Variants in SCOC observed in about 807,000 individuals in gnomAD.
The protein encoded by SCOC is short coiled coil protein.
A neutral mutation model predicts 9.9 loss-of-function variants in SCOC; 7 were observed. The ratio of observed to expected loss-of-function variants is 0.71; its 90% CI spans 0.40 to 1.33. SCOC has a LOEUF of 1.33. Ranked by LOEUF, SCOC falls within the 40% of genes most tolerant of loss-of-function variation. The pLI, the probability that SCOC is intolerant of heterozygous loss-of-function variation, is 0.01. For synonymous variants in SCOC, 19 were observed against 28.2 expected, an observed-to-expected ratio of 0.67 and a Z score of 1.03; for missense variants, 66 against 89.7, an observed-to-expected ratio of 0.74 and a Z score of 1.07.
intron 1 of SCOC, among the ~76,000 whole-genome samples, chr4:140,291,853 AT>A (rs1271000743): frequency 6.6e-6 from 1 of 152,176 alleles, no homozygotes; most frequent in Admixed American, 6.5e-5. Context: ...TATCTGATGA[AT>A]TTCCTTTCCC....
upstream of SCOC, among the ~76,000 whole-genome samples, chr4:140,370,919 C>T (rs1362649805): frequency 4.1e-5 from 6 of 147,464 alleles, no homozygotes; most frequent in Non-Finnish European, 7.4e-5. Context: ...GAGACGGAGT[C>T]TCACCCTGTC....
chr4:140,376,414 T>A (rs1437407974), intron 1 of SCOC: 1 of 152,242 alleles, frequency 6.6e-6, no homozygotes, highest in Non-Finnish European at 1.5e-5. Flanking sequence ...TGGTCCACTG[T>A]ACTAAAGAGT....
intron 1 of SCOC, among the ~76,000 whole-genome samples, chr4:140,276,125 C>T (rs1730974790): frequency 6.6e-6 from 1 of 152,114 alleles, no homozygotes; most frequent in South Asian, 2.1e-4. Context: ...GCCTCAGCCT[C>T]CTGAGTAGCT....
chr4:140,355,786 A>C (rs779261041), intron 2 of SCOC, among the ~76,000 whole-genome samples: 10 of 152,222 alleles, frequency 6.6e-5, no homozygotes, highest in Non-Finnish European at 1.3e-4. Context: ...ACAACCATGC[A>C]AAAGTAATTT....
At chr4:140,310,284 T>C (rs191624948) in intron 1 of SCOC, among the ~76,000 whole-genome samples, 2 of 152,330 alleles carry the variant, frequency 1.3e-5, no homozygotes, top group East Asian at 3.9e-4. Context: ...TCTTTAAAGA[T>C]GATGCTTCCT....
At chr4:140,332,213 CATATCAG>C (rs1247432718) in intron 1 of SCOC, among the ~76,000 whole-genome samples, 4 of 152,048 alleles carry the variant, frequency 2.6e-5, no homozygotes, top group African/African-American at 2.4e-5. Context: ...AGATCCAAAC[CATATCAG>C]ATGTTTAAAA....
chr4:140,344,980 C>T (rs1453243627), intron 2 of SCOC, among the ~76,000 whole-genome samples: 3 of 152,090 alleles, frequency 2.0e-5, no homozygotes, highest in East Asian at 3.8e-4. Context: ...GACTCTCTGA[C>T]GCACCTCATC....
At chr4:140,284,305 G>C (rs1404388296) in intron 1 of SCOC, 1 of 151,918 alleles carries the variant, frequency 6.6e-6, no homozygotes, top group Non-Finnish European at 1.5e-5. Flanking sequence ...TGCTTTACTT[G>C]CATTCATAGG....
Position 140,384,137 on chromosome 4 carries a change from A to T in SCOC, c.*3033A>T, listed in dbSNP as rs571854290. On this transcript the variant is annotated 3_prime_UTR_variant, in exon 4 of 4. Coordinates refer to ENST00000608372, the MANE Select transcript of SCOC (RefSeq NM_001153484.2). ...CTTCTATCTTTGCTTGAAAATGTCA[A>T]TTTTTTTGATACCTTGCTGAAAGCA... 3 of 152,148 alleles carry T rather than the reference A, an allele frequency of 2.0e-5. No individual in the cohort carries two copies. The highest frequency in any genetic ancestry group is 2.9e-5 in the Non-Finnish European group (2 of 68,024). The allele number at this position is 152,148 out of a possible 1,614,324, so 9.4% of individuals were successfully genotyped here.
At chr4:140,353,421 T>C (rs1164364479) in intron 2 of SCOC, among the ~76,000 whole-genome samples, 2 of 151,728 alleles carry the variant, frequency 1.3e-5, no homozygotes, top group Non-Finnish European at 2.9e-5. Context: ...TTCTTTTTTT[T>C]TTTTTTTTGA....
At chr4:140,277,280 C>G (rs2126410689) in intron 1 of SCOC, among the ~76,000 whole-genome samples, 1 of 152,230 alleles carries the variant, frequency 6.6e-6, no homozygotes, top group East Asian at 1.9e-4. Context: ...CCACCCACAA[C>G]TAGGCTGCAG....
intron 1 of SCOC, among the ~76,000 whole-genome samples, chr4:140,375,615 G>A (rs1218022760): frequency 6.6e-6 from 1 of 152,182 alleles, no homozygotes; most frequent in African/African-American, 2.4e-5. Context: ...ATCGTCTTTG[G>A]TCACAGGTGT....
chr4:140,359,497 G>A (rs1281110524), intron 2 of SCOC, among the ~76,000 whole-genome samples: 1 of 152,098 alleles, frequency 6.6e-6, no homozygotes, highest in African/African-American at 2.4e-5. Context: ...CTCTCTGGGT[G>A]GAAGCAGTCC....
chr4:140,307,145 T>C (rs1431757477), intron 1 of SCOC, among the ~76,000 whole-genome samples: 2 of 152,172 alleles, frequency 1.3e-5, no homozygotes, highest in Non-Finnish European at 2.9e-5. Context: ...AGACATCAAA[T>C]CTGCTGGTGT....
Position 140,383,954 on chromosome 4 carries a change from G to C in SCOC, c.*2850G>C, listed in dbSNP as rs960108671. 2 of 152,194 alleles carry C rather than the reference G, an allele frequency of 1.3e-5. No individual in the cohort carries two copies. The highest frequency in any genetic ancestry group is 4.8e-5 in the African/African-American group (2 of 41,452). The allele number at this position is 152,194 out of a possible 1,614,324, so 9.4% of individuals were successfully genotyped here. ...ACATGCAGATCATCACTGCAAAGCT[G>C]GGTTCCTTTGGCTTAACGATTGGTA... On this transcript the variant is annotated 3_prime_UTR_variant, in exon 4 of 4. Coordinates refer to ENST00000608372, the MANE Select transcript of SCOC (RefSeq NM_001153484.2).
intron 1 of SCOC, among the ~76,000 whole-genome samples, chr4:140,267,691 CT>C (rs1730758963): frequency 6.6e-6 from 1 of 152,112 alleles, no homozygotes; most frequent in African/African-American, 2.4e-5. Context: ...GACGTGGAGA[CT>C]CCGCGAGGCA....
chr4:140,337,086 G>A (rs908111771), intron 1 of SCOC, among the ~76,000 whole-genome samples: 2 of 152,082 alleles, frequency 1.3e-5, no homozygotes, highest in African/African-American at 4.8e-5. Flanking sequence ...TAAAAATTGT[G>A]TTGTCTTTTT....
chr4:140,307,360 T>C (rs1249231691), intron 1 of SCOC, among the ~76,000 whole-genome samples: 1 of 152,200 alleles, frequency 6.6e-6, no homozygotes, highest in African/African-American at 2.4e-5. Context: ...CAGATCTTCT[T>C]TGAGCAGTCT....
intron 1 of SCOC, among the ~76,000 whole-genome samples, chr4:140,277,573 GA>G (rs1370414281): frequency 6.6e-6 from 1 of 152,154 alleles, no homozygotes; most frequent in Non-Finnish European, 1.5e-5. Context: ...GTGGAAAAGG[GA>G]GGGAAAAAGT....
Sources: gnomAD v4.1 joint callset for allele counts (sites outside exome capture counted in the v4.1 genomes callset) on GRCh38, gnomAD v4.1.1 for gene constraint, MANE v1.5 for transcripts, NCBI Gene and HGNC (gene_info 2026-07-23, HGNC 2026-07-21) for gene names.